Variants in MAPKAP1 observed in about 807,000 individuals in gnomAD.
MAPKAP1 encodes the protein MAPK associated protein 1.
In MAPKAP1, 20 loss-of-function variants were observed where a neutral mutation model predicts 65.7. That is an observed-to-expected ratio of 0.30 (90% CI 0.21 to 0.44). The LOEUF (loss-of-function observed/expected upper bound fraction) is 0.44. Among genes scored for constraint, MAPKAP1 ranks in the 20% least tolerant of loss-of-function variants. The pLI, the probability that MAPKAP1 is intolerant of heterozygous loss-of-function variation, is 1.00. For synonymous variants in MAPKAP1, 222 were observed against 244.3 expected, an observed-to-expected ratio of 0.91 and a Z score of 0.85; for missense variants, 423 against 648.0, an observed-to-expected ratio of 0.65 and a Z score of 3.77.
At chr9:125,490,523 G>A (rs2133051237) in intron 8 of MAPKAP1, among the ~76,000 whole-genome samples, 1 of 151,868 alleles carries the variant, frequency 6.6e-6, no homozygotes, top group Non-Finnish European at 1.5e-5. Context: ...TGGGCAACAA[G>A]AACGAAACTC....
intron 6 of MAPKAP1, among the ~76,000 whole-genome samples, chr9:125,549,393 G>A (rs1830519963): frequency 1.3e-5 from 2 of 152,152 alleles, no homozygotes; most frequent in African/African-American, 4.8e-5. Context: ...AAATATATGA[G>A]CAAGAGAAGG....
At chr9:125,485,846 C>CT (rs1394761969) in intron 8 of MAPKAP1, among the ~76,000 whole-genome samples, 2 of 152,164 alleles carry the variant, frequency 1.3e-5, no homozygotes, top group African/African-American at 2.4e-5. Context: ...GGGCAAGTGA[C>CT]TTTATCTCTC....
At chr9:125,586,412 T>C (rs1157980169) in intron 4 of MAPKAP1, among the ~76,000 whole-genome samples, 2 of 152,126 alleles carry the variant, frequency 1.3e-5, no homozygotes, top group Non-Finnish European at 2.9e-5. Flanking sequence ...TCAGCTGCTT[T>C]TTAAAACGAT....
chr9:125,679,634 T>G (rs1337313289), intron 1 of MAPKAP1, among the ~76,000 whole-genome samples: 1 of 152,228 alleles, frequency 6.6e-6, no homozygotes, highest in Non-Finnish European at 1.5e-5. Context: ...TAGTGACTCA[T>G]GTACCTTTAC....
At chr9:125,543,893 A>G (rs1239218505) in intron 6 of MAPKAP1, among the ~76,000 whole-genome samples, 1 of 152,180 alleles carries the variant, frequency 6.6e-6, no homozygotes, top group Admixed American at 6.5e-5. Flanking sequence ...CTGCCATCAT[A>G]CTAAGCTCAT....
intron 4 of MAPKAP1, among the ~76,000 whole-genome samples, chr9:125,640,134 C>T (rs1405518976): frequency 6.6e-6 from 1 of 152,010 alleles, no homozygotes; most frequent in Non-Finnish European, 1.5e-5. Flanking sequence ...GACGGAGTCT[C>T]GCTCTGTCAC....
At chr9:125,577,642 G>A (rs1446028311) in intron 5 of MAPKAP1, among the ~76,000 whole-genome samples, 24 of 19,320 alleles carry the variant, frequency 1.2e-3, no homozygotes, top group African/African-American at 3.4e-3. Context: ...CCGGCCAGCC[G>A]CCCCGTCCAG....
intron 4 of MAPKAP1, among the ~76,000 whole-genome samples, chr9:125,613,889 C>T (rs1247776025): frequency 2.6e-5 from 4 of 152,040 alleles, no homozygotes; most frequent in Admixed American, 2.6e-4. Context: ...GCTCCGCCTC[C>T]CAGGTTCACG....
intron 6 of MAPKAP1, among the ~76,000 whole-genome samples, chr9:125,554,794 C>CAAAAAAAAAAAAAAA (rs56911891): frequency 4.6e-5 from 3 of 65,636 alleles, no homozygotes; most frequent in South Asian, 6.9e-4. Flanking sequence ...AGACACTTAT[C>CAAAAAAAAAAAAAAA]AAAAAAAAAA....
rs577097496 is a variant in MAPKAP1, at chr9:125,522,339, G to A, written c.959-15922C>T. The stretch of plus-strand genomic sequence containing the variant: ...TCCTTGTAACTGTGCTTCCAATGAC[G>A]ACACTACGATTCACCCAATGAATTA... On this transcript the variant is annotated intron_variant, in intron 7 of 11. Transcript: ENST00000265960. 1.6e-4 allele frequency among the ~76,000 whole-genome samples: 24 copies of A among 152,192 alleles called. No homozygotes were observed. In the South Asian group the frequency reaches 4.6e-3, roughly 29 times the overall value.
intron 7 of MAPKAP1, among the ~76,000 whole-genome samples, chr9:125,526,131 C>G (rs1379814586): frequency 6.6e-6 from 1 of 152,164 alleles, no homozygotes; most frequent in Non-Finnish European, 1.5e-5. Flanking sequence ...ATGTTCTTGG[C>G]ACAGAAGGGT....
chr9:125,527,385 G>C (rs1829804566), intron 7 of MAPKAP1, among the ~76,000 whole-genome samples: 1 of 152,072 alleles, frequency 6.6e-6, no homozygotes. Flanking sequence ...ATAGTTTTAA[G>C]AGTAAATAAT....
chr9:125,618,273 G>C (rs1475633816), intron 4 of MAPKAP1, among the ~76,000 whole-genome samples: 1 of 145,680 alleles, frequency 6.9e-6, no homozygotes, highest in African/African-American at 2.5e-5. Flanking sequence ...ACCTGGAAGG[G>C]TGAGGTTGCA....
At chr9:125,500,478 C>T (rs377710504) in intron 8 of MAPKAP1, among the ~76,000 whole-genome samples, 3 of 152,242 alleles carry the variant, frequency 2.0e-5, no homozygotes, top group East Asian at 1.9e-4. Flanking sequence ...CAGGCATGAG[C>T]CATCACGCCG....
intron 7 of MAPKAP1, among the ~76,000 whole-genome samples, chr9:125,513,361 A>G (rs1829364706): frequency 6.6e-6 from 1 of 152,222 alleles, no homozygotes; most frequent in Non-Finnish European, 1.5e-5. Context: ...AAAGCTGAAC[A>G]CTTTCATGGT....
chr9:125,701,052 G>A (rs572446830), intron 1 of MAPKAP1, among the ~76,000 whole-genome samples: 1 of 152,116 alleles, frequency 6.6e-6, no homozygotes, highest in Non-Finnish European at 1.5e-5. Context: ...AGAGAGGAGG[G>A]GCAGCATTTT....
At chr9:125,570,256 C>T (rs772690945) in intron 5 of MAPKAP1, among the ~76,000 whole-genome samples, 21 of 152,046 alleles carry the variant, frequency 1.4e-4, no homozygotes, top group Non-Finnish European at 2.1e-4. Flanking sequence ...TTAGAAAGTC[C>T]AAGAGTCTCA....
chr9:125,611,031 A>G (rs572079392), intron 4 of MAPKAP1, among the ~76,000 whole-genome samples: 3 of 152,354 alleles, frequency 2.0e-5, no homozygotes, highest in East Asian at 3.9e-4. Context: ...AGAGACTATA[A>G]AAGATTATCC....
intron 5 of MAPKAP1, among the ~76,000 whole-genome samples, chr9:125,561,721 T>A (rs1440713228): frequency 1.3e-5 from 2 of 152,302 alleles, no homozygotes. Flanking sequence ...CAGTTTCCAC[T>A]TCTATAAAAA....
Sources: gnomAD v4.1 joint callset for allele counts (sites outside exome capture counted in the v4.1 genomes callset) on GRCh38, gnomAD v4.1.1 for gene constraint, MANE v1.5 for transcripts, NCBI Gene and HGNC (gene_info 2026-07-23, HGNC 2026-07-21) for gene names.